The following KMT2A variants were observed in gnomAD, a reference collection of about 807,000 sequenced individuals.
KMT2A encodes the protein histone-lysine N-methyltransferase 2A.
A neutral mutation model predicts 345.3 loss-of-function variants in KMT2A; 16 were observed. The ratio of observed to expected loss-of-function variants is 0.05; its 90% CI spans 0.03 to 0.07. KMT2A has a LOEUF of 0.07. Among genes scored for constraint, KMT2A ranks in the 10% least tolerant of loss-of-function variants. KMT2A has a pLI of 1.00. For missense variants in KMT2A, 3,272 were observed against 4,841.6 expected, an observed-to-expected ratio of 0.68 and a Z score of 9.62; for synonymous variants, 1,599 against 1,778.6, an observed-to-expected ratio of 0.90 and a Z score of 2.54.
Position 118,521,531 on chromosome 11 carries a change from TA to T in KMT2A, c.11643+121del. 7.9e-7 allele frequency: 1 copy of T among 1,264,198 alleles called. No individual in the cohort carries two copies. The allele number at this position is 1,264,198 out of a possible 1,614,324, so 78.3% of individuals were successfully genotyped here. ...ATGTTATCAATTCAGAGACCTTTCT[TA>T]AAAAAATAAACTCTGAAATTTGTGA... is the stretch of plus-strand genomic sequence containing the variant. On this transcript the variant is annotated intron_variant, in intron 35 of 35. Coordinates refer to ENST00000534358, the MANE Select transcript of KMT2A (RefSeq NM_001197104.2). This position sits in a 1 kb window ranked among gnomAD's most constrained non-coding sequence, Gnocchi z 5.3.
intron 31 of KMT2A, among the ~76,000 whole-genome samples, chr11:118,519,191 A>G (rs1204650660): frequency 4.6e-5 from 7 of 152,032 alleles, no homozygotes; most frequent in African/African-American, 1.7e-4. Flanking sequence ...GTAGTTATGC[A>G]GTCCAGAGTT....
chr11:118,487,538 C>T (rs1950250954), intron 10 of KMT2A, among the ~76,000 whole-genome samples: 1 of 152,124 alleles, frequency 6.6e-6, no homozygotes, highest in South Asian at 2.1e-4. Flanking sequence ...ATATGTTTCT[C>T]TGTGTGTATA....
Position 118,506,719 on chromosome 11 carries a change from T to G in KMT2A, c.10754+73T>G, listed in dbSNP as rs1316066522. ...TGTAAATTAGGGGCTGTTGATGTGG[T>G]AGTCCGGGAGAGACACTCTTCTGTT... On this transcript the variant is annotated intron_variant, in intron 27 of 35. Coordinates refer to ENST00000534358, the MANE Select transcript of KMT2A (RefSeq NM_001197104.2). 4.2e-6 allele frequency: 6 copies of G among 1,436,032 alleles called. No homozygotes were observed. The South Asian group carries it at 8.2e-5, about 20-fold the overall frequency. The allele number at this position is 1,436,032 out of a possible 1,614,324, so 89.0% of individuals were successfully genotyped here. A position where few individuals can be genotyped will look rare whatever the true frequency, so the allele number is the denominator to read the frequency against.
At chr11:118,450,398 T>C (rs1189320457) in intron 1 of KMT2A, 4 of 152,252 alleles carry the variant, frequency 2.6e-5, no homozygotes, top group African/African-American at 9.6e-5. Flanking sequence ...TCTCATTTGC[T>C]TTGCTGTTTT....
chr11:118,451,401 C>T (rs1178691352), intron 1 of KMT2A, among the ~76,000 whole-genome samples: 1 of 151,394 alleles, frequency 6.6e-6, no homozygotes, highest in Non-Finnish European at 1.5e-5. Flanking sequence ...TTTCTGTTCT[C>T]TTTTGAGACA....
chr11:118,445,881 G>A (rs1238792362), intron 1 of KMT2A, among the ~76,000 whole-genome samples: 1 of 151,552 alleles, frequency 6.6e-6, no homozygotes, highest in Non-Finnish European at 1.5e-5. Context: ...TTGCGCACCT[G>A]TATCCCCAGC....
At position 118,510,807 on chromosome 11, in the gene KMT2A, A is replaced by G. The variant is rs1239288456; in HGVS notation, c.11071+689A>G. On this transcript the variant is annotated intron_variant, in intron 30 of 35. Transcript: ENST00000534358. The surrounding 1 kb of genome is among the most constrained non-coding windows in gnomAD (Gnocchi z 4.1). ...GAGTTCAAAGAAGAGAAAGGTCACC[A>G]TGGGTGAGTTAGGGTTATCAAAAAC... Among the ~76,000 whole-genome samples, 1 of 152,210 alleles carries G rather than the reference A, an allele frequency of 6.6e-6. No homozygotes were observed. The highest frequency in any genetic ancestry group is 1.5e-5 in the Non-Finnish European group (1 of 68,026).
At chr11:118,512,074 A>C in intron 31 of KMT2A, 49 bp downstream of exon 31, 1 of 1,545,150 alleles carries the variant, frequency 6.5e-7, no homozygotes, top group South Asian at 1.1e-5. Flanking sequence ...TATTATGGTA[A>C]ATTGTTCGCC....
chr11:118,490,323 G>T lies in KMT2A; in HGVS notation c.4696+74G>T. The T allele has an allele frequency of 1.4e-6, 2 of 1,417,362 alleles. No homozygotes were observed. The highest frequency in any genetic ancestry group is 1.6e-5 in the South Asian group (1 of 64,368). 87.8% of individuals were successfully genotyped at this position (1,417,362 alleles called of 1,614,324 possible). A position where few individuals can be genotyped will look rare whatever the true frequency, so the allele number is the denominator to read the frequency against. On this transcript the variant is annotated intron_variant, in intron 13 of 35. Coordinates refer to ENST00000534358, the MANE Select transcript of KMT2A (RefSeq NM_001197104.2). The surrounding 1 kb of genome is among the most constrained non-coding windows in gnomAD (Gnocchi z 4.2). ...TTCTGGAGGTGAACTAGACTCTAGT[G>T]AAATGAAATAAAAAGTCTCACACAT...
At chr11:118,461,260 C>T (rs1038117385) in intron 1 of KMT2A, among the ~76,000 whole-genome samples, 21 of 152,110 alleles carry the variant, frequency 1.4e-4, no homozygotes, top group Non-Finnish European at 1.8e-4. Context: ...TTATGAATAA[C>T]GTGAATTTAG....
intron 4 of KMT2A, among the ~76,000 whole-genome samples, chr11:118,477,515 T>C (rs1950060204): frequency 7.7e-6 from 1 of 130,654 alleles, no homozygotes; most frequent in African/African-American, 2.9e-5. Context: ...TTTTTTTTTT[T>C]TTTTTTTTTT....
chr11:118,525,634 C>T lies in KMT2A; in HGVS notation c.*3462C>T. ...ATAAAAAAAAAAGGAAAAAAAAATA[C>T]AACACACACACAAAAATAAAAAAAA... On this transcript the variant is annotated 3_prime_UTR_variant, in exon 36 of 36. Coordinates refer to ENST00000534358, the MANE Select transcript of KMT2A (RefSeq NM_001197104.2). 4.4e-6 allele frequency: 1 copy of T among 226,082 alleles called. No homozygotes were observed. Among genetic ancestry groups the T allele is most frequent in the Non-Finnish European group, 8.8e-6 (1 of 114,090 alleles). The allele number at this position is 226,082 out of a possible 1,614,324, so 14.0% of individuals were successfully genotyped here.
intron 11 of KMT2A, among the ~76,000 whole-genome samples, chr11:118,489,250 A>AC (rs1285218887): frequency 8.6e-5 from 13 of 151,208 alleles, no homozygotes; most frequent in Non-Finnish European, 1.8e-4. Flanking sequence ...AAAAAAAAAA[A>AC]AACTATATGG....
rs868991793 is a variant in KMT2A at position 118,436,772 on chromosome 11, C to T, written c.260C>T (p.Ser87Leu). The change falls in exon 1 of 36, where the codon TCG (serine) becomes TTG (leucine). Residue 87 changes from serine (S) to leucine (L), a missense_variant. Coordinates refer to ENST00000534358, the MANE Select transcript of KMT2A (RefSeq NM_001197104.2). This position sits in a 1 kb window ranked among gnomAD's most constrained non-coding sequence, Gnocchi z 6.9. ...GCCGCCGCCTCAGCAGCCTCCTCGT[C>T]GTCCGCCTCGTCTTCGTCTTCGTCA... ...GAAAASAASS[S>L]SASSSSSSSS... is the part of the protein sequence containing the mutation. The T allele has an allele frequency of 3.4e-5, 55 of 1,604,066 alleles. No homozygotes were observed. The highest frequency in any genetic ancestry group is 6.7e-5 in the Admixed American group (4 of 59,526).
At chr11:118,445,439 T>C (rs1949398676) in intron 1 of KMT2A, among the ~76,000 whole-genome samples, 1 of 152,222 alleles carries the variant, frequency 6.6e-6, no homozygotes, top group Non-Finnish European at 1.5e-5. Flanking sequence ...AGGCACTTGG[T>C]CGTTCCTTAT....
rs1422198438 is a variant in KMT2A at position 118,482,232 on chromosome 11, TA to T, written c.4012+141del. ...GAAAATCAGCTCTCTTTCTAACTAT[TA>T]TGTTTAATAATAAAGAAACAGAAAC... On this transcript the variant is annotated intron_variant, in intron 7 of 35. Transcript: ENST00000534358. The T allele has an allele frequency of 3.8e-6, 4 of 1,050,636 alleles. No homozygotes were observed. In the African/African-American group the frequency reaches 4.9e-5, roughly 13 times the overall value. 65.1% of individuals were successfully genotyped at this position (1,050,636 alleles called of 1,614,324 possible).
Position 118,452,622 on chromosome 11 carries a change from C to CT in KMT2A, c.432+15689dup, listed in dbSNP as rs1428276619. 2.7e-3 allele frequency among the ~76,000 whole-genome samples: 392 copies of CT among 145,984 alleles called. 1 individual carries two copies. Among genetic ancestry groups the CT allele is most frequent in the African/African-American group, 8.2e-3 (330 of 40,012 alleles). ...TCTACCATCAAAGAAGTGCCCCCTT[C>CT]TTTTTTTTTTTCTTTCTTGTTTTTT... On this transcript the variant is annotated intron_variant, in intron 1 of 35. Coordinates refer to ENST00000534358, the MANE Select transcript of KMT2A (RefSeq NM_001197104.2).
intron 31 of KMT2A, among the ~76,000 whole-genome samples, chr11:118,515,843 C>T (rs1443524813): frequency 6.6e-6 from 1 of 152,040 alleles, no homozygotes; most frequent in East Asian, 1.9e-4. Flanking sequence ...TACACGCCAC[C>T]ACACCCAGCT....
rs1463947644 is a variant in KMT2A at position 118,490,788 on chromosome 11, T to G, written c.4697-408T>G. On this transcript the variant is annotated intron_variant, in intron 13 of 35. Transcript: ENST00000534358. The surrounding 1 kb of genome is among the most constrained non-coding windows in gnomAD (Gnocchi z 4.2). ...AATCTTAGGAAGTGCTCCTCTAAGCTCTAATGTAAATGCCCTAGAAATAAG... is the reference window on the plus strand; with the variant it reads ...AATCTTAGGAAGTGCTCCTCTAAGCGCTAATGTAAATGCCCTAGAAATAAG... Among the ~76,000 whole-genome samples, 1 of 152,164 alleles carries G rather than the reference T, an allele frequency of 6.6e-6. No individual in the cohort carries two copies. The highest frequency in any genetic ancestry group is 1.9e-4 in the East Asian group (1 of 5,200).
Sources: gnomAD v4.1 joint callset for allele counts (sites outside exome capture counted in the v4.1 genomes callset) on GRCh38, gnomAD v4.1.1 for gene constraint, Gnocchi (gnomAD v3.1) non-coding constraint, MANE v1.5 for transcripts, NCBI Gene and HGNC (gene_info 2026-07-23, HGNC 2026-07-21) for gene names.